The following CLRN3 variants were observed in gnomAD, a reference collection of about 807,000 sequenced individuals.
CLRN3 encodes the protein clarin-3.
Under a neutral mutation model 16.7 loss-of-function variants are expected in CLRN3, and 12 were observed. That is an observed-to-expected ratio of 0.72 (90% CI 0.46 to 1.16). The LOEUF (loss-of-function observed/expected upper bound fraction) is 1.16, where lower values mean the gene tolerates loss of function less well. CLRN3 is among the 50% of genes most tolerant of loss of function. The pLI, the probability that CLRN3 is intolerant of heterozygous loss-of-function variation, is 0.00. For synonymous variants in CLRN3, 118 were observed against 113.0 expected, an observed-to-expected ratio of 1.04 and a Z score of -0.28; for missense variants, 296 against 274.2, an observed-to-expected ratio of 1.08 and a Z score of -0.56.
At chr10:127,886,112 A>T (rs1374030785) in intron 1 of CLRN3, among the ~76,000 whole-genome samples, 1 of 152,062 alleles carries the variant, frequency 6.6e-6, no homozygotes, top group African/African-American at 2.4e-5. Flanking sequence ...CTGGTCTCCA[A>T]TTCCTAAGCT....
At chr10:127,878,640 T>C (rs1479239405) in intron 2 of CLRN3, among the ~76,000 whole-genome samples, 1 of 152,208 alleles carries the variant, frequency 6.6e-6, no homozygotes, top group Non-Finnish European at 1.5e-5. Context: ...CAATAGTGAA[T>C]GTGCTGACTC....
At chr10:127,880,397 G>C (rs942345823) in intron 2 of CLRN3, among the ~76,000 whole-genome samples, 1 of 147,898 alleles carries the variant, frequency 6.8e-6, no homozygotes, top group Non-Finnish European at 1.5e-5. Context: ...GGGACAGAAG[G>C]ATTTATAGGG....
At chr10:127,887,099 T>G (rs1845204292) in intron 1 of CLRN3, among the ~76,000 whole-genome samples, 1 of 152,140 alleles carries the variant, frequency 6.6e-6, no homozygotes, top group South Asian at 2.1e-4. Context: ...GGGATTAATA[T>G]TGCTACAATT....
At chr10:127,887,801 T>C (rs951782283) in intron 1 of CLRN3, among the ~76,000 whole-genome samples, 8 of 152,210 alleles carry the variant, frequency 5.3e-5, no homozygotes, top group African/African-American at 1.9e-4. Flanking sequence ...GCCTACAAAA[T>C]TAGCAAACAC....
intron 1 of CLRN3, among the ~76,000 whole-genome samples, chr10:127,890,734 T>A (rs1304663824): frequency 1.3e-5 from 2 of 152,058 alleles, no homozygotes; most frequent in East Asian, 3.9e-4. Flanking sequence ...CACGTCTCCA[T>A]GTACACACTG....
rs1845269712 is a variant in CLRN3, at chr10:127,892,599, T to C, written c.186A>G (p.Glu62=). Residue 62 remains glutamate (E), a synonymous_variant, in exon 1 of 3, where the codon GAA becomes GAG. Transcript: ENST00000368671. The part of the protein sequence containing the change: ...TYGLFRGESS[E]ELSHGLAEPK... ...GTTCTGCAAGTCCGTGACTCAATTCTTCACTACTCTCCCCACGAAAAAGTC... is the reference window on the plus strand; with the variant it reads ...GTTCTGCAAGTCCGTGACTCAATTCCTCACTACTCTCCCCACGAAAAAGTC... 6.2e-7 allele frequency: 1 copy of C among 1,612,534 alleles called. No homozygotes were observed. Among genetic ancestry groups the C allele is most frequent in the Non-Finnish European group, 8.5e-7 (1 of 1,178,624 alleles).
intron 1 of CLRN3, among the ~76,000 whole-genome samples, chr10:127,886,908 C>T (rs550234632): frequency 2.0e-4 from 31 of 151,896 alleles, no homozygotes; most frequent in Admixed American, 1.3e-3. Context: ...AGGGCTCTAG[C>T]GGGACCTGGG....
At chr10:127,885,659 C>T (rs1287832509) in intron 1 of CLRN3, among the ~76,000 whole-genome samples, 1 of 152,178 alleles carries the variant, frequency 6.6e-6, no homozygotes, top group Non-Finnish European at 1.5e-5. Context: ...TCACTGCAGT[C>T]TTGATCTCCC....
chr10:127,889,785 T>C (rs1364895915), intron 1 of CLRN3, among the ~76,000 whole-genome samples: 4 of 152,246 alleles, frequency 2.6e-5, no homozygotes, highest in Non-Finnish European at 5.9e-5. Context: ...CATTTTGTCA[T>C]GTTTGCCAGT....
intron 1 of CLRN3, among the ~76,000 whole-genome samples, chr10:127,891,285 A>G (rs1845255159): frequency 6.6e-6 from 1 of 152,238 alleles, no homozygotes; most frequent in Non-Finnish European, 1.5e-5. Context: ...GAAGCCATTT[A>G]TCTCAAATTG....
intron 2 of CLRN3, among the ~76,000 whole-genome samples, chr10:127,881,355 A>T (rs1358662358): frequency 6.6e-6 from 1 of 152,200 alleles, no homozygotes; most frequent in East Asian, 1.9e-4. Flanking sequence ...GGCCTCTGCT[A>T]TATGCAAAGC....
chr10:127,890,391 C>T (rs1845245409), intron 1 of CLRN3, among the ~76,000 whole-genome samples: 1 of 152,170 alleles, frequency 6.6e-6, no homozygotes, highest in Non-Finnish European at 1.5e-5. Flanking sequence ...ACAGATTGAC[C>T]AATGTTGGCT....
chr10:127,889,947 T>C (rs2135086369), intron 1 of CLRN3, among the ~76,000 whole-genome samples: 1 of 152,286 alleles, frequency 6.6e-6, no homozygotes, highest in South Asian at 2.1e-4. Flanking sequence ...TCCTAGCAGC[T>C]CATTTTTCAG....
Position 127,877,996 on chromosome 10 carries a change from T to A in CLRN3, c.*153A>T. ...ACCTTGTGGGAAAAATTTTCAGGAG[T>A]ACAGCATCAATGAAGAACACAGTGT... On this transcript the variant is annotated 3_prime_UTR_variant, in exon 3 of 3. Transcript: ENST00000368671. The A allele has an allele frequency of 1.1e-6, 1 of 950,524 alleles. No individual in the cohort carries two copies. Among genetic ancestry groups the A allele is most frequent in the Non-Finnish European group, 1.5e-6 (1 of 651,994 alleles). 58.9% of individuals were successfully genotyped at this position (950,524 alleles called of 1,614,324 possible).
At chr10:127,887,067 G>A (rs376686499) in intron 1 of CLRN3, among the ~76,000 whole-genome samples, 1 of 152,198 alleles carries the variant, frequency 6.6e-6, no homozygotes, top group African/African-American at 2.4e-5. Flanking sequence ...CCTATTGCTC[G>A]CTGTGGAGGT....
chr10:127,879,424 G>A (rs1485910286), intron 2 of CLRN3, among the ~76,000 whole-genome samples: 2 of 152,192 alleles, frequency 1.3e-5, no homozygotes, highest in African/African-American at 4.8e-5. Context: ...AGACTTGGGA[G>A]AGCCACTTTT....
intron 2 of CLRN3, among the ~76,000 whole-genome samples, chr10:127,879,827 T>C (rs1299139931): frequency 6.6e-6 from 1 of 152,202 alleles, no homozygotes; most frequent in East Asian, 1.9e-4. Context: ...GATGCCTATG[T>C]TCCAGGATCT....
At chr10:127,890,412 G>A (rs540739043) in intron 1 of CLRN3, among the ~76,000 whole-genome samples, 1 of 152,118 alleles carries the variant, frequency 6.6e-6, no homozygotes, top group Non-Finnish European at 1.5e-5. Context: ...GAATTATTTT[G>A]GCACTTTGAA....
At chr10:127,892,327 A>G (rs1013653964) in intron 1 of CLRN3, among the ~76,000 whole-genome samples, 1 of 152,216 alleles carries the variant, frequency 6.6e-6, no homozygotes, top group Non-Finnish European at 1.5e-5. Context: ...ATTTAAATAC[A>G]GCCACTGCTA....
Sources: allele counts gnomAD v4.1 joint callset (sites outside exome capture counted in the v4.1 genomes callset), GRCh38; gene constraint gnomAD v4.1.1; transcripts MANE v1.5; gene names NCBI Gene and HGNC (gene_info 2026-07-23, HGNC 2026-07-21).